The following ADK variants were observed in gnomAD, a reference collection of about 807,000 sequenced individuals.
ADK encodes N6,N6-dimethyladenosine kinase.
Under a neutral mutation model 44.7 loss-of-function variants are expected in ADK, and 24 were observed. The observed-to-expected ratio is 0.54, with a 90% CI of 0.39 to 0.76. ADK has a LOEUF of 0.76. Among genes scored for constraint, ADK ranks in the 30% least tolerant of loss-of-function variants. The pLI is 0.00. For missense variants in ADK, 321 were observed against 425.1 expected, an observed-to-expected ratio of 0.76 and a Z score of 2.15; for synonymous variants, 128 against 142.6, an observed-to-expected ratio of 0.90 and a Z score of 0.73.
chr10:74,359,820 C>T (rs1168968699), intron 4 of ADK, among the ~76,000 whole-genome samples: 3 of 152,056 alleles, frequency 2.0e-5, no homozygotes, highest in African/African-American at 7.2e-5. Flanking sequence ...TTTCTTTCAT[C>T]AGTGTTTTAT....
intron 1 of ADK, among the ~76,000 whole-genome samples, chr10:74,163,432 T>A (rs941599738): frequency 5.3e-5 from 8 of 152,238 alleles, no homozygotes; most frequent in African/African-American, 1.9e-4. Context: ...TTTCTCTGTG[T>A]TAGCAAGCCT....
At chr10:74,674,012 T>A (rs1437257765) in intron 10 of ADK, among the ~76,000 whole-genome samples, 1 of 152,074 alleles carries the variant, frequency 6.6e-6, no homozygotes, top group East Asian at 1.9e-4. Flanking sequence ...AGCCTGGGGT[T>A]TTTATGGGCA....
intron 9 of ADK, among the ~76,000 whole-genome samples, chr10:74,653,905 T>A (rs1363022947): frequency 6.6e-6 from 1 of 152,144 alleles, no homozygotes; most frequent in Non-Finnish European, 1.5e-5. Context: ...TTAAAAAAAA[T>A]ATCCTTGTCT....
intron 9 of ADK, among the ~76,000 whole-genome samples, chr10:74,611,240 A>C (rs1852532233): frequency 6.6e-6 from 1 of 152,034 alleles, no homozygotes; most frequent in Non-Finnish European, 1.5e-5. Flanking sequence ...CATATTGCCC[A>C]TGCTAGTCTC....
chr10:74,256,657 A>G (rs1845835712), intron 3 of ADK, among the ~76,000 whole-genome samples: 2 of 152,136 alleles, frequency 1.3e-5, no homozygotes, highest in African/African-American at 4.8e-5. Flanking sequence ...TGAGATGGTG[A>G]TTGCTCCATC....
chr10:74,406,104 A>G (rs1221758930), intron 6 of ADK, among the ~76,000 whole-genome samples: 1 of 152,238 alleles, frequency 6.6e-6, no homozygotes, highest in African/African-American at 2.4e-5. Flanking sequence ...TGCTGTAGTC[A>G]TATGGCTGAC....
chr10:74,240,925 C>A (rs1845183366), intron 3 of ADK, among the ~76,000 whole-genome samples: 1 of 152,156 alleles, frequency 6.6e-6, no homozygotes, highest in Admixed American at 6.5e-5. Context: ...TTGCTGATTT[C>A]AGGTTTCACT....
intron 3 of ADK, among the ~76,000 whole-genome samples, chr10:74,235,683 A>G (rs1156832571): frequency 6.6e-6 from 1 of 152,168 alleles, no homozygotes; most frequent in Non-Finnish European, 1.5e-5. Flanking sequence ...CCTGTGTGGG[A>G]GTGAGCTTAC....
intron 6 of ADK, among the ~76,000 whole-genome samples, chr10:74,422,617 A>G (rs1202781469): frequency 1.3e-5 from 2 of 152,222 alleles, no homozygotes; most frequent in South Asian, 2.1e-4. Context: ...CTGTATATCT[A>G]AGTTCCCAAA....
chr10:74,322,120 G>T (rs1404049176), intron 4 of ADK, among the ~76,000 whole-genome samples: 2 of 152,106 alleles, frequency 1.3e-5, no homozygotes, highest in African/African-American at 4.8e-5. Flanking sequence ...ATTATCTCTT[G>T]TGACCTATTT....
intron 3 of ADK, among the ~76,000 whole-genome samples, chr10:74,242,085 C>G (rs574977819): frequency 2.0e-5 from 3 of 152,164 alleles, no homozygotes; most frequent in Non-Finnish European, 4.4e-5. Flanking sequence ...GAACATTTTC[C>G]ACCAAACATA....
At chr10:74,514,421 C>A (rs1848479487) in intron 6 of ADK, among the ~76,000 whole-genome samples, 1 of 151,820 alleles carries the variant, frequency 6.6e-6, no homozygotes, top group African/African-American at 2.4e-5. Context: ...TAATGGTATC[C>A]CATAAATCCT....
intron 7 of ADK, among the ~76,000 whole-genome samples, chr10:74,554,419 G>A (rs1322781023): frequency 6.6e-6 from 1 of 151,934 alleles, no homozygotes; most frequent in Admixed American, 6.6e-5. Context: ...ATCATGAATA[G>A]TTATATATAT....
chr10:74,267,464 A>ATT, intron 3 of ADK, among the ~76,000 whole-genome samples: 1 of 150,832 alleles, frequency 6.6e-6, no homozygotes, highest in East Asian at 1.9e-4. Flanking sequence ...TTCCTGTTAC[A>ATT]TTTTTTTTTA....
intron 2 of ADK, among the ~76,000 whole-genome samples, chr10:74,210,439 C>T (rs1843773220): frequency 6.6e-6 from 1 of 150,962 alleles, no homozygotes; most frequent in Admixed American, 6.6e-5. Flanking sequence ...ACAAACCTTA[C>T]ATGAGTTTTT....
chr10:74,527,900 T>C lies in ADK; in HGVS notation c.726+2474T>C, dbSNP rs901555587. 6 of 815,340 alleles carry C rather than the reference T, an allele frequency of 7.4e-6. No individual in the cohort carries two copies. The African/African-American group carries it at 8.5e-5, about 12-fold the overall frequency. The allele number at this position is 815,340 out of a possible 1,614,324, so 50.5% of individuals were successfully genotyped here. On this transcript the variant is annotated intron_variant, in intron 7 of 10. Coordinates refer to ENST00000539909, the MANE Select transcript of ADK (RefSeq NM_006721.4). Reference sequence around the variant, plus strand: ...AGTACAGGAAAAGGCAAGAGAAGGATTGTGAAAGCTGTCATCTATAGGTTT... The same window carrying C: ...AGTACAGGAAAAGGCAAGAGAAGGACTGTGAAAGCTGTCATCTATAGGTTT...
chr10:74,510,403 GA>G (rs1848258981), intron 6 of ADK, among the ~76,000 whole-genome samples: 1 of 151,986 alleles, frequency 6.6e-6, no homozygotes, highest in African/African-American at 2.4e-5. Context: ...TTTTTAATAA[GA>G]TTGGTTTTTT....
intron 7 of ADK, among the ~76,000 whole-genome samples, chr10:74,553,167 A>C (rs1850095320): frequency 6.6e-6 from 1 of 151,034 alleles, no homozygotes; most frequent in African/African-American, 2.4e-5. Flanking sequence ...GTTCATTAAC[A>C]AGACAATTTT....
chr10:74,589,160 A>T (rs1851630497), intron 7 of ADK, 122 bp from the exon 8 acceptor site: 4 of 815,648 alleles, frequency 4.9e-6, no homozygotes, highest in Admixed American at 2.4e-5. Flanking sequence ...ATAAAAATTG[A>T]ACTATGTGGG....
Sources: gnomAD v4.1 joint callset for allele counts (sites outside exome capture counted in the v4.1 genomes callset) on GRCh38, gnomAD v4.1.1 for gene constraint, MANE v1.5 for transcripts, NCBI Gene and HGNC (gene_info 2026-07-23, HGNC 2026-07-21) for gene names.